OR8B2: variants seen among roughly 807,000 people sequenced by gnomAD.
The protein encoded by OR8B2 is olfactory receptor family 8 subfamily B member 2, also known as olfactory receptor 8B2.
For missense variants in OR8B2, 304 were observed against 379.6 expected (o/e 0.80, Z 1.65); for synonymous variants, 98 against 138.2 (o/e 0.71, Z 2.04).
At chr11:124,384,996 A>G (rs1262253478), upstream of OR8B2, among the ~76,000 whole-genome samples, 1 of 152,222 alleles carries the variant, frequency 6.6e-6, no homozygotes, top group Non-Finnish European at 1.5e-5. Context: ...GTCCTTTTAA[A>G]TAATCCATTT....
At chr11:124,385,542 C>T (rs1394495802), upstream of OR8B2, among the ~76,000 whole-genome samples, 2 of 150,560 alleles carry the variant, frequency 1.3e-5, no homozygotes, top group Admixed American at 1.3e-4. Flanking sequence ...GTGTGTAGAT[C>T]TATGCAGTTG....
chr11:124,389,058 T>A (rs1860744476), upstream of OR8B2, among the ~76,000 whole-genome samples: 2 of 152,170 alleles, frequency 1.3e-5, no homozygotes, highest in African/African-American at 4.8e-5. Flanking sequence ...TCTCTTGACC[T>A]CATGATCCGC....
rs1428716246 is a variant in OR8B2, at chr11:124,383,370, C to T, written c.-17-10G>A. 1 of 1,545,732 alleles carries T rather than the reference C, an allele frequency of 6.5e-7. No individual in the cohort carries two copies. Among genetic ancestry groups the T allele is most frequent in the East Asian group, 2.2e-5 (1 of 44,480 alleles). Reference sequence around the variant, plus strand: ...TTTTGTCTTCAAAAATCTGGGAAGACAAAAGAAAATTCTATTAGGAACACA... The same window carrying T: ...TTTTGTCTTCAAAAATCTGGGAAGATAAAAGAAAATTCTATTAGGAACACA... On this transcript the variant is annotated splice_polypyrimidine_tract_variant and intron_variant, in intron 1 of 1. Coordinates refer to ENST00000641451, the MANE Select transcript of OR8B2 (RefSeq NM_001005468.2).
rs779103906 is a variant in OR8B2 at position 124,382,734 on chromosome 11, C to A, written c.610G>T (p.Gly204Cys). Residue 204 changes from glycine to cysteine, a missense_variant, in exon 2 of 2, where the codon GGT (glycine) becomes TGT (cysteine). Transcript: ENST00000641451. ...VNEVVVLIVV[G>C]TNITVPSCTI... Reference sequence around the variant, plus strand: ...CAACTGGGTACCGTGATATTAGTACCCACAACAATGAGAACAACCACCTCG... The same window carrying A: ...CAACTGGGTACCGTGATATTAGTACACACAACAATGAGAACAACCACCTCG... 4 of 1,613,708 alleles carry A rather than the reference C, an allele frequency of 2.5e-6. No homozygotes were observed. Among genetic ancestry groups the A allele is most frequent in the Middle Eastern group, 1.7e-4 (1 of 6,052 alleles).
At chr11:124,396,967 G>A in the OR8B2 span, 1 of 1,613,332 alleles carries the variant, frequency 6.2e-7, no homozygotes, top group Non-Finnish European at 8.5e-7. Flanking sequence ...TACAGCAATG[G>A]ATTACAGATG....
the OR8B2 span, among the ~76,000 whole-genome samples, chr11:124,389,520 A>G: frequency 6.6e-6 from 1 of 152,142 alleles, no homozygotes; most frequent in Non-Finnish European, 1.5e-5. Flanking sequence ...GTCTCTTTTC[A>G]CTTTTCTCCT....
chr11:124,386,408 T>TC (rs1414111046), upstream of OR8B2, among the ~76,000 whole-genome samples: 1 of 69,944 alleles, frequency 1.4e-5, no homozygotes, highest in South Asian at 6.4e-4. Context: ...CCCTCCCCCC[T>TC]CCCCCCACCC....
chr11:124,389,646 A>G, the OR8B2 span, among the ~76,000 whole-genome samples: 1 of 152,180 alleles, frequency 6.6e-6, no homozygotes, highest in Non-Finnish European at 1.5e-5. Context: ...TTGATTGTTA[A>G]AAATCATTTT....
At chr11:124,394,759 A>C in the OR8B2 span, among the ~76,000 whole-genome samples, 3,040 of 152,294 alleles carry the variant, frequency 0.02, 93 homozygotes, top group African/African-American at 0.067. Context: ...CTTCATGGGG[A>C]GCTGAGCTGT....
rs764254911 is a variant in OR8B2 at position 124,383,206 on chromosome 11, G to C, written c.138C>G (p.Ile46Met). The change falls in exon 2 of 2, where the codon ATC (isoleucine) becomes ATG (methionine). Residue 46 changes from isoleucine (I) to methionine (M), a missense_variant. Transcript: ENST00000641451. ...IVTMVGNLGLITLFGLNSHLH... is the reference protein window; with the variant it reads ...IVTMVGNLGLMTLFGLNSHLH... ...GGTGAGAATTTAGACCGAAAAGAGT[G>C]ATCAAGCCAAGGTTGCCTACCATGG... The C allele has an allele frequency of 1.9e-6, 3 of 1,613,850 alleles. No homozygotes were observed. The highest frequency in any genetic ancestry group is 2.5e-6 in the Non-Finnish European group (3 of 1,179,870).
At chr11:124,396,972 C>A in the OR8B2 span, 1 of 1,613,466 alleles carries the variant, frequency 6.2e-7, no homozygotes, top group Non-Finnish European at 8.5e-7. Context: ...CAATGGATTA[C>A]AGATGGCCAC....
the OR8B2 span, among the ~76,000 whole-genome samples, chr11:124,393,901 T>A: frequency 2.7e-5 from 4 of 150,930 alleles, no homozygotes; most frequent in African/African-American, 7.3e-5. Flanking sequence ...GTGGCACATG[T>A]ACACCATGGA....
chr11:124,392,340 A>ACATGAT, the OR8B2 span, among the ~76,000 whole-genome samples: 1 of 126,430 alleles, frequency 7.9e-6, no homozygotes, highest in Admixed American at 8.0e-5. Flanking sequence ...TTTGCAGATG[A>ACATGAT]CATGATTGTA....
chr11:124,390,360 A>G, the OR8B2 span, among the ~76,000 whole-genome samples: 2 of 152,306 alleles, frequency 1.3e-5, no homozygotes, highest in East Asian at 3.9e-4. Context: ...CCTTTAGGAC[A>G]GGGGTGTCCA....
At position 124,382,485 on chromosome 11, in the gene OR8B2, G is replaced by A. The variant is rs140451340; in HGVS notation, c.859C>T (p.Leu287Phe). ...YTNVVPMLNP[L>F]IYSLRNKDVK... Reference sequence around the variant, plus strand: ...TCCTTGTTCCTCAAACTGTAGATGAGGGGATTGAGCATGGGCACCACATTA... The same window carrying A: ...TCCTTGTTCCTCAAACTGTAGATGAAGGGATTGAGCATGGGCACCACATTA... Residue 287 changes from leucine to phenylalanine, a missense_variant, in exon 2 of 2, where the codon CTC becomes TTC. By Grantham distance (22) the Leu-to-Phe change is conservative (BLOSUM62 0). Coordinates refer to ENST00000641451, the MANE Select transcript of OR8B2 (RefSeq NM_001005468.2). 3.1e-5 allele frequency: 50 copies of A among 1,613,924 alleles called. 1 individual carries two copies. The highest frequency in any genetic ancestry group is 3.8e-5 in the Non-Finnish European group (45 of 1,179,992).
chr11:124,387,354 A>G (rs1487451085), upstream of OR8B2, among the ~76,000 whole-genome samples: 58 of 152,292 alleles, frequency 3.8e-4, no homozygotes, highest in African/African-American at 1.3e-3. Context: ...CCTGAATGGT[A>G]ATGCCTAGGT....
chr11:124,385,530 G>C (rs1366461296), upstream of OR8B2, among the ~76,000 whole-genome samples: 1 of 151,576 alleles, frequency 6.6e-6, no homozygotes, highest in Non-Finnish European at 1.5e-5. Flanking sequence ...GTGTCTGTGT[G>C]TGTGTGTAGA....
chr11:124,395,403 A>T, the OR8B2 span: 1 of 152,354 alleles, frequency 6.6e-6, no homozygotes, highest in Non-Finnish European at 1.5e-5. Flanking sequence ...ATGAGAAATA[A>T]CCTTTATATA....
At chr11:124,393,414 A>C in the OR8B2 span, among the ~76,000 whole-genome samples, 1 of 148,268 alleles carries the variant, frequency 6.7e-6, no homozygotes, top group South Asian at 2.1e-4. Context: ...ACAAATTTAC[A>C]AGAAAAAAAC....
Sources: gnomAD v4.1 joint callset for allele counts (sites outside exome capture counted in the v4.1 genomes callset) on GRCh38, gnomAD v4.1.1 for gene constraint, MANE v1.5 for transcripts, NCBI Gene and HGNC (gene_info 2026-07-23, HGNC 2026-07-21) for gene names.